ADNP: variants seen among roughly 807,000 people sequenced by gnomAD.
The protein encoded by ADNP is activity dependent neuroprotector homeobox, also known as activity-dependent neuroprotector homeobox protein.
Under a neutral mutation model 84.9 loss-of-function variants are expected in ADNP, and 4 were observed. That is an observed-to-expected ratio of 0.05 (90% confidence interval 0.02 to 0.11). The LOEUF is 0.11. ADNP is among the 10% of genes least tolerant of loss of function. ADNP has a pLI of 1.00. For synonymous variants in ADNP, 554 were observed against 468.1 expected (o/e 1.18, Z -2.37); for missense variants, 1,132 against 1,326.0 (o/e 0.85, Z 2.27).
At chr20:50,917,593 T>G (rs1328746585) in intron 2 of ADNP, among the ~76,000 whole-genome samples, 1 of 152,206 alleles carries the variant, frequency 6.6e-6, no homozygotes, top group Non-Finnish European at 1.5e-5. Flanking sequence ...CTTCTGAAAG[T>G]CCCTTGGGAA....
chr20:50,913,702 GA>G, intron 2 of ADNP: 1 of 308,304 alleles, frequency 3.2e-6, no homozygotes, highest in South Asian at 4.1e-5. Flanking sequence ...TAATCAGAAA[GA>G]AAACATCAAT....
chr20:50,897,959 T>C (rs181081742), intron 5 of ADNP, among the ~76,000 whole-genome samples: 1 of 152,284 alleles, frequency 6.6e-6, no homozygotes, highest in Non-Finnish European at 1.5e-5. Flanking sequence ...ATTGATATGC[T>C]TGAAGCCCCT....
chr20:50,897,854 G>A (rs1981575942), intron 5 of ADNP, among the ~76,000 whole-genome samples: 1 of 152,158 alleles, frequency 6.6e-6, no homozygotes, highest in Non-Finnish European at 1.5e-5. Flanking sequence ...TCTCCACTTC[G>A]CAGGCATATC....
Position 50,893,842 on chromosome 20 carries a change from G to A in ADNP, c.872C>T (p.Ala291Val). The A allele has an allele frequency of 6.2e-7, 1 of 1,614,180 alleles. No individual in the cohort carries two copies. The highest frequency in any genetic ancestry group is 8.5e-7 in the Non-Finnish European group (1 of 1,180,028). ...MGLPPRIGSL[A>V]SGNVRSLPSQ... is the part of the protein sequence containing the mutation. ...TGGTAAAGACCGGACATTTCCAGAAGCAAGGGAACCGATCCTTGGTGGGAG... is the reference window on the plus strand; with the variant it reads ...TGGTAAAGACCGGACATTTCCAGAAACAAGGGAACCGATCCTTGGTGGGAG... Residue 291 changes from alanine to valine, a missense_variant, in exon 6 of 6, where the codon GCT (alanine) becomes GTT (valine). Ala to Val is a moderately conservative substitution (Grantham distance 64). Coordinates refer to ENST00000621696, the MANE Select transcript of ADNP (RefSeq NM_001282531.3). This position sits in a 1 kb window ranked among gnomAD's most constrained non-coding sequence, Gnocchi z 4.4.
At chr20:50,929,995 G>A (rs1041366678) in intron 1 of ADNP, among the ~76,000 whole-genome samples, 2 of 152,040 alleles carry the variant, frequency 1.3e-5, no homozygotes, top group South Asian at 2.1e-4. Context: ...GGGCAGAAGA[G>A]GAAGAGAAGC....
intron 2 of ADNP, among the ~76,000 whole-genome samples, chr20:50,906,037 C>A (rs977208642): frequency 3.3e-5 from 5 of 152,144 alleles, no homozygotes; most frequent in African/African-American, 7.2e-5. Flanking sequence ...ATGGTGAAAA[C>A]CCGACTCTAC....
In ADNP at chr20:50,891,831, A is replaced by G. The variant is rs750828266; in HGVS notation, c.2883T>C (p.Asp961=). ...AAGCACCGTCTTTCCACTCAACAAC[A>G]TCGTCTTGGTCAACCTCACTATCAG... ...NASDSEVDQD[D]VVEWKDGASP... The change falls in exon 6 of 6, where the codon GAT becomes GAC. Residue 961 remains aspartate (D), a synonymous_variant. Coordinates refer to ENST00000621696, the MANE Select transcript of ADNP (RefSeq NM_001282531.3). The G allele has an allele frequency of 1.9e-5, 30 of 1,614,102 alleles. No homozygotes were observed. The highest frequency in any genetic ancestry group is 6.7e-5 in the East Asian group (3 of 44,872).
At chr20:50,913,983 T>G (rs992616629) in intron 2 of ADNP, 28 of 743,458 alleles carry the variant, frequency 3.8e-5, no homozygotes, top group Non-Finnish European at 6.8e-5. Context: ...CTGGCCAGAA[T>G]GAGACTGTAA....
intron 2 of ADNP, among the ~76,000 whole-genome samples, chr20:50,912,455 CTTT>C (rs1257108087): frequency 1.3e-5 from 2 of 151,996 alleles, no homozygotes; most frequent in Non-Finnish European, 2.9e-5. Context: ...TAGCTTCAAA[CTTT>C]TTATTTTTTA....
intron 2 of ADNP, among the ~76,000 whole-genome samples, chr20:50,924,583 T>C (rs1160828783): frequency 3.9e-5 from 6 of 152,166 alleles, no homozygotes; most frequent in African/African-American, 1.4e-4. Context: ...AGGATAGTCC[T>C]GAGAAAATTG....
At chr20:50,915,951 A>G (rs1236896049) in intron 2 of ADNP, among the ~76,000 whole-genome samples, 2 of 152,354 alleles carry the variant, frequency 1.3e-5, no homozygotes, top group East Asian at 3.9e-4. Flanking sequence ...AGCAGGCAGG[A>G]AATGTAACCA....
rs556884321 is a variant in ADNP, at chr20:50,921,632, G to C, written c.-90+7019C>G. 5.3e-5 allele frequency among the ~76,000 whole-genome samples: 8 copies of C among 152,288 alleles called. No individual in the cohort carries two copies. In the South Asian group the frequency reaches 1.7e-3, roughly 32 times the overall value. On this transcript the variant is annotated intron_variant, in intron 2 of 5. Transcript: ENST00000621696. ...GCAAGAATTCTAGCAGTGACCACCAGAATTTCCAGTACACCAGTAGAACCA... is the reference window on the plus strand; with the variant it reads ...GCAAGAATTCTAGCAGTGACCACCACAATTTCCAGTACACCAGTAGAACCA...
chr20:50,893,073 A>G lies in ADNP; in HGVS notation c.1641T>C (p.Thr547=). Residue 547 remains threonine (T), a synonymous_variant, in exon 6 of 6, where the codon ACT becomes ACC. Coordinates refer to ENST00000621696, the MANE Select transcript of ADNP (RefSeq NM_001282531.3). This position sits in a 1 kb window ranked among gnomAD's most constrained non-coding sequence, Gnocchi z 4.4. ...GCTGCAATGTCAAATCAAAACTCAA[A>G]GTAGAATCTGTTTTAGGTCCCATCT... The part of the protein sequence containing the change: ...DEEMGPKTDS[T]LSFDLTLQQG... The G allele has an allele frequency of 6.2e-7, 1 of 1,614,250 alleles. No individual in the cohort carries two copies. Among genetic ancestry groups the G allele is most frequent in the Non-Finnish European group, 8.5e-7 (1 of 1,180,050 alleles).
At chr20:50,929,654 A>G (rs1244567279) in intron 1 of ADNP, among the ~76,000 whole-genome samples, 2 of 151,956 alleles carry the variant, frequency 1.3e-5, no homozygotes, top group Non-Finnish European at 2.9e-5. Flanking sequence ...TATTTTCTCC[A>G]TGGCCATAAA....
intron 2 of ADNP, among the ~76,000 whole-genome samples, chr20:50,923,684 A>C (rs1568745238): frequency 6.6e-6 from 1 of 152,032 alleles, no homozygotes; most frequent in Non-Finnish European, 1.5e-5. Flanking sequence ...CACCAGGATA[A>C]CTTTTGTATT....
At chr20:50,918,682 T>C (rs1262922084) in intron 2 of ADNP, among the ~76,000 whole-genome samples, 2 of 152,212 alleles carry the variant, frequency 1.3e-5, no homozygotes, top group Admixed American at 6.5e-5. Context: ...AACTTGAGCA[T>C]GTGGCAGTAG....
At position 50,931,066 on chromosome 20, in the gene ADNP, G is replaced by A. The variant is rs1271432079; in HGVS notation, c.-505C>T. ...GGCGTCGTCGAGCGGTGCAGACAAAGGAGGGGCGGAGGGAGGAGACGGAGG... is the reference window on the plus strand; with the variant it reads ...GGCGTCGTCGAGCGGTGCAGACAAAAGAGGGGCGGAGGGAGGAGACGGAGG... On this transcript the variant is annotated 5_prime_UTR_variant, in exon 1 of 6. Coordinates refer to ENST00000621696, the MANE Select transcript of ADNP (RefSeq NM_001282531.3). The A allele has an allele frequency of 6.7e-6, 1 of 149,328 alleles. No homozygotes were observed. The highest frequency in any genetic ancestry group is 1.5e-5 in the Non-Finnish European group (1 of 66,484). The allele number at this position is 149,328 out of a possible 1,614,324, so 9.3% of individuals were successfully genotyped here.
intron 2 of ADNP, among the ~76,000 whole-genome samples, chr20:50,914,864 A>T (rs1179416506): frequency 6.6e-6 from 1 of 152,196 alleles, no homozygotes; most frequent in African/African-American, 2.4e-5. Flanking sequence ...TTCCCCAACC[A>T]TGAGATTTTA....
intron 2 of ADNP, among the ~76,000 whole-genome samples, chr20:50,919,532 A>T (rs2426206): frequency 0.37 from 55,834 of 151,228 alleles, 11,482 homozygotes; most frequent in African/African-American, 0.57. Flanking sequence ...AAATTCAGAC[A>T]GAATGAATGA....
Sources: allele counts gnomAD v4.1 joint callset (sites outside exome capture counted in the v4.1 genomes callset), GRCh38; gene constraint gnomAD v4.1.1; non-coding constraint Gnocchi (gnomAD v3.1); transcripts MANE v1.5; gene names NCBI Gene and HGNC (gene_info 2026-07-23, HGNC 2026-07-21).